Variants in TNKS observed in about 807,000 individuals in gnomAD.
The protein encoded by TNKS is tankyrase.
TNKS carries 72 observed loss-of-function variants against 135.8 expected under a neutral mutation model. The ratio of observed to expected loss-of-function variants is 0.53; its 90% CI spans 0.44 to 0.64. TNKS has a LOEUF of 0.64. Among genes scored for constraint, TNKS ranks in the 30% least tolerant of loss-of-function variants. The probability of loss-of-function intolerance (pLI) is 0.00; values close to 1 mark genes in which losing one functional copy is unlikely to be tolerated. For synonymous variants in TNKS, 849 were observed against 649.3 expected (o/e 1.31, Z -4.68); for missense variants, 1,769 against 1,674.0 (o/e 1.06, Z -0.99).
intron 25 of TNKS, among the ~76,000 whole-genome samples, chr8:9,769,496 G>A (rs1807671484): frequency 6.6e-6 from 1 of 151,402 alleles, no homozygotes; most frequent in South Asian, 2.1e-4. Flanking sequence ...AATTTCAGGT[G>A]TTGTTTCCAT....
chr8:9,731,046 G>C lies in TNKS; in HGVS notation c.2147+11G>C. The C allele has an allele frequency of 6.3e-7, 1 of 1,579,560 alleles. No homozygotes were observed. Among genetic ancestry groups the C allele is most frequent in the Non-Finnish European group, 8.6e-7 (1 of 1,161,692 alleles). On this transcript the variant is annotated intron_variant, in intron 14 of 26. Coordinates refer to ENST00000310430, the MANE Select transcript of TNKS (RefSeq NM_003747.3). ...TGCCAAAGACAAGGGGTACGTGTTA[G>C]AAGTTAGCTGTTTGGGAGTCATTCT... is the stretch of plus-strand genomic sequence containing the variant.
intron 2 of TNKS, among the ~76,000 whole-genome samples, chr8:9,598,101 A>G (rs910124800): frequency 4.6e-5 from 7 of 152,300 alleles, no homozygotes; most frequent in African/African-American, 1.4e-4. Context: ...ATAGGAAAAT[A>G]ATAGTAATGA....
chr8:9,756,149 A>G (rs944521125), intron 20 of TNKS, among the ~76,000 whole-genome samples: 2 of 152,106 alleles, frequency 1.3e-5, no homozygotes, highest in Non-Finnish European at 2.9e-5. Flanking sequence ...TGGTTAACCT[A>G]TGTATTTTCA....
At chr8:9,600,761 T>C (rs900644133) in intron 2 of TNKS, among the ~76,000 whole-genome samples, 2 of 152,214 alleles carry the variant, frequency 1.3e-5, no homozygotes, top group African/African-American at 4.8e-5. Flanking sequence ...GACAGAATTC[T>C]GAATTTTGGG....
intron 1 of TNKS, among the ~76,000 whole-genome samples, chr8:9,571,098 A>G (rs1314591899): frequency 2.0e-5 from 3 of 152,210 alleles, no homozygotes; most frequent in Non-Finnish European, 4.4e-5. Flanking sequence ...TCATTGTACT[A>G]TGTTTAACCT....
chr8:9,664,378 C>T (rs375357954), intron 3 of TNKS, among the ~76,000 whole-genome samples: 13 of 152,264 alleles, frequency 8.5e-5, no homozygotes, highest in African/African-American at 2.4e-4. Context: ...ACTTCCTCCC[C>T]GTGCACCTTC....
chr8:9,779,675 G>C lies in TNKS; in HGVS notation c.*2939G>C, dbSNP rs1808380869. 6.6e-6 allele frequency: 1 copy of C among 152,130 alleles called. No individual in the cohort carries two copies. The highest frequency in any genetic ancestry group is 1.9e-4 in the East Asian group (1 of 5,180). 9.4% of individuals were successfully genotyped at this position (152,130 alleles called of 1,614,324 possible). A position where few individuals can be genotyped will look rare whatever the true frequency, so the allele number is the denominator to read the frequency against. The stretch of plus-strand genomic sequence containing the variant: ...TCCATTCATTTTCTCCTCATCTTGG[G>C]TCTTAAAAAAGGAGACCAGATACCT... On this transcript the variant is annotated 3_prime_UTR_variant, in exon 27 of 27. Coordinates refer to ENST00000310430, the MANE Select transcript of TNKS (RefSeq NM_003747.3).
chr8:9,603,339 GCCA>G (rs34275866), intron 2 of TNKS, among the ~76,000 whole-genome samples: 43,550 of 151,856 alleles, frequency 0.29, 6,511 homozygotes, highest in East Asian at 0.38. Flanking sequence ...ACAGGCATGA[GCCA>G]CCACGCCTGA....
At chr8:9,770,331 G>C in intron 26 of TNKS, 69 bp downstream of exon 26, 1 of 1,473,934 alleles carries the variant, frequency 6.8e-7, no homozygotes. Context: ...GACCGTGTAA[G>C]ACTTGAGACA....
At chr8:9,615,445 T>G (rs1021150641) in intron 2 of TNKS, 137 bp from the exon 3 acceptor site, 20 of 638,006 alleles carry the variant, frequency 3.1e-5, no homozygotes, top group Non-Finnish European at 4.4e-5. Context: ...CTTTTTTGCT[T>G]TTTTTCTTTT....
chr8:9,679,873 T>G (rs1037631888), intron 3 of TNKS, 78 bp from the exon 4 acceptor site: 1 of 1,184,274 alleles, frequency 8.4e-7, no homozygotes, highest in African/African-American at 1.5e-5. Flanking sequence ...TCTATTTAAT[T>G]CTCTATTTGC....
chr8:9,686,359 T>C (rs1173840774), intron 5 of TNKS, among the ~76,000 whole-genome samples: 3 of 152,184 alleles, frequency 2.0e-5, no homozygotes, highest in East Asian at 1.9e-4. Flanking sequence ...TAACCCCATC[T>C]GAGTTCCCGA....
intron 3 of TNKS, among the ~76,000 whole-genome samples, chr8:9,632,790 C>T (rs1223072947): frequency 2.0e-5 from 3 of 152,158 alleles, no homozygotes; most frequent in Non-Finnish European, 4.4e-5. Flanking sequence ...AGTGCAGTGG[C>T]GTGATCTCAG....
chr8:9,634,058 G>T (rs754356921), intron 3 of TNKS, among the ~76,000 whole-genome samples: 1 of 142,974 alleles, frequency 7.0e-6, no homozygotes, highest in Non-Finnish European at 1.5e-5. Flanking sequence ...TAGGAATTAA[G>T]GAAAAAAAAC....
rs773403550 is a variant in TNKS, at chr8:9,556,161, G to C, written c.222G>C (p.Pro74=). The change falls in exon 1 of 27, where the codon CCG becomes CCC. Residue 74 remains proline, a synonymous_variant. Transcript: ENST00000310430. ...CGGAGGGGGATGGCAGTCGGGATCCGCCCGACAGGCCCCGATCCCCGGACC... is the reference window on the plus strand; with the variant it reads ...CGGAGGGGGATGGCAGTCGGGATCCCCCCGACAGGCCCCGATCCCCGGACC... ...ALPEGDGSRD[P]PDRPRSPDPV... 6.2e-7 allele frequency: 1 copy of C among 1,610,400 alleles called. No individual in the cohort carries two copies. Among genetic ancestry groups the C allele is most frequent in the Non-Finnish European group, 8.5e-7 (1 of 1,177,996 alleles).
chr8:9,623,218 A>T (rs1799930137), intron 3 of TNKS, among the ~76,000 whole-genome samples: 1 of 152,202 alleles, frequency 6.6e-6, no homozygotes, highest in South Asian at 2.1e-4. Context: ...GGGTTGATGA[A>T]CATTCATTTG....
chr8:9,760,219 G>T (rs189230218), intron 20 of TNKS, among the ~76,000 whole-genome samples: 2 of 152,238 alleles, frequency 1.3e-5, no homozygotes, highest in African/African-American at 2.4e-5. Flanking sequence ...CAGAACTGGG[G>T]TTTGTTGTTT....
intron 3 of TNKS, among the ~76,000 whole-genome samples, chr8:9,620,966 TA>T (rs772994595): frequency 1.3e-5 from 2 of 152,226 alleles, no homozygotes; most frequent in Non-Finnish European, 2.9e-5. Flanking sequence ...ATCAAATAAA[TA>T]TGTCTAAGGT....
At chr8:9,563,409 C>A (rs1797411539) in intron 1 of TNKS, among the ~76,000 whole-genome samples, 1 of 152,010 alleles carries the variant, frequency 6.6e-6, no homozygotes, top group Admixed American at 6.5e-5. Flanking sequence ...GCCATATGGT[C>A]CCTCTCATAG....
Sources: allele counts gnomAD v4.1 joint callset (sites outside exome capture counted in the v4.1 genomes callset), GRCh38; gene constraint gnomAD v4.1.1; transcripts MANE v1.5; gene names NCBI Gene and HGNC (gene_info 2026-07-23, HGNC 2026-07-21).